ATF7IP2: variants seen among roughly 807,000 people sequenced by gnomAD.
The protein encoded by ATF7IP2 is activating transcription factor 7-interacting protein 2.
In ATF7IP2, 42 loss-of-function variants were observed where a neutral mutation model predicts 64.2. The observed-to-expected ratio is 0.65, with a 90% CI of 0.51 to 0.85. The LOEUF is 0.85. ATF7IP2 is among the 40% of genes least tolerant of loss of function. The pLI, the probability that ATF7IP2 is intolerant of heterozygous loss-of-function variation, is 0.00. For synonymous variants in ATF7IP2, 308 were observed against 272.8 expected (o/e 1.13, Z -1.27); for missense variants, 933 against 784.2 (o/e 1.19, Z -2.27).
At chr16:10,459,446 C>T (rs1211713290) in intron 9 of ATF7IP2, among the ~76,000 whole-genome samples, 63 of 143,476 alleles carry the variant, frequency 4.4e-4, no homozygotes, top group African/African-American at 1.6e-3. Flanking sequence ...CCAGCCTGGG[C>T]GACAGAGCGA....
intron 1 of ATF7IP2, among the ~76,000 whole-genome samples, chr16:10,397,114 T>A (rs1334381296): frequency 6.6e-6 from 1 of 152,242 alleles, no homozygotes; most frequent in Non-Finnish European, 1.5e-5. Flanking sequence ...TTTTGCCATT[T>A]GGTTGAAAAT....
intron 8 of ATF7IP2, among the ~76,000 whole-genome samples, chr16:10,441,776 T>C (rs1485356761): frequency 2.0e-5 from 3 of 152,264 alleles, no homozygotes; most frequent in African/African-American, 7.2e-5. Context: ...ATTTTGGCTT[T>C]TGTTGCTGTT....
chr16:10,478,610 T>C (rs958970228), intron 12 of ATF7IP2, among the ~76,000 whole-genome samples: 2 of 152,132 alleles, frequency 1.3e-5, no homozygotes, highest in African/African-American at 4.8e-5. Flanking sequence ...ACTTCATGTC[T>C]AAAACACCAA....
At chr16:10,433,696 AC>A in intron 6 of ATF7IP2, 47 bp downstream of exon 6, 2 of 1,594,828 alleles carry the variant, frequency 1.3e-6, no homozygotes, top group Non-Finnish European at 1.7e-6. Context: ...GATTAGTAAA[AC>A]ATGGTAAAAG....
intron 8 of ATF7IP2, chr16:10,448,729 T>C (rs1242042298): frequency 6.6e-6 from 1 of 152,172 alleles, no homozygotes; most frequent in Non-Finnish European, 1.5e-5. Context: ...TATTTCTAAA[T>C]CTAAAAATTG....
At chr16:10,416,583 A>G (rs950894366) in intron 2 of ATF7IP2, among the ~76,000 whole-genome samples, 1 of 152,190 alleles carries the variant, frequency 6.6e-6, no homozygotes, top group African/African-American at 2.4e-5. Flanking sequence ...ACCTGAGGCC[A>G]GGAGTTCAAG....
chr16:10,392,056 C>T (rs201057918), intron 1 of ATF7IP2, among the ~76,000 whole-genome samples: 14 of 126,104 alleles, frequency 1.1e-4, no homozygotes, highest in African/African-American at 3.3e-4. Context: ...GTTGTATTAT[C>T]TTTTTTTTTT....
At chr16:10,456,540 T>C (rs2049175599) in intron 8 of ATF7IP2, among the ~76,000 whole-genome samples, 1 of 152,124 alleles carries the variant, frequency 6.6e-6, no homozygotes, top group Admixed American at 6.6e-5. Context: ...TTTTCAGAGC[T>C]CTTACAGTGC....
chr16:10,397,426 TATAGTC>T (rs1327107015), intron 1 of ATF7IP2, among the ~76,000 whole-genome samples: 4 of 152,364 alleles, frequency 2.6e-5, no homozygotes, highest in African/African-American at 9.6e-5. Context: ...TTCTGGGTAG[TATAGTC>T]ATTTTAGCAG....
chr16:10,439,186 C>A (rs1419296930), intron 7 of ATF7IP2, among the ~76,000 whole-genome samples: 1 of 151,998 alleles, frequency 6.6e-6, no homozygotes, highest in Non-Finnish European at 1.5e-5. Flanking sequence ...ATGTTTTTAA[C>A]CACATTAATT....
rs565297679 is a variant in ATF7IP2 at position 10,438,807 on chromosome 16, C to T, written c.1095+572C>T. ...CGATGGCTCATGCCTGTAATCCCAGCACTTTGGGAGGCCAAGGTGGGCGGA... is the reference window on the plus strand; with the variant it reads ...CGATGGCTCATGCCTGTAATCCCAGTACTTTGGGAGGCCAAGGTGGGCGGA... On this transcript the variant is annotated intron_variant, in intron 7 of 13. Transcript: ENST00000562102. 2.1e-3 allele frequency among the ~76,000 whole-genome samples: 324 copies of T among 152,258 alleles called. 2 individuals carry two copies. The highest frequency in any genetic ancestry group is 7.6e-3 in the African/African-American group (316 of 41,566).
intron 9 of ATF7IP2, among the ~76,000 whole-genome samples, chr16:10,459,948 G>A (rs961221267): frequency 2.0e-5 from 3 of 151,896 alleles, no homozygotes; most frequent in African/African-American, 7.3e-5. Context: ...AAAAATCGGG[G>A]GAAAAGGAAA....
chr16:10,464,973 G>A (rs2142040074), intron 9 of ATF7IP2, among the ~76,000 whole-genome samples: 1 of 152,296 alleles, frequency 6.6e-6, no homozygotes, highest in South Asian at 2.1e-4. Context: ...TGGGATTACA[G>A]GCATGTGTTG....
chr16:10,414,390 A>G (rs1283273111), intron 1 of ATF7IP2, among the ~76,000 whole-genome samples, 184 bp from the exon 2 acceptor site: 1 of 151,822 alleles, frequency 6.6e-6, no homozygotes, highest in African/African-American at 2.4e-5. Flanking sequence ...AGCATTTTGC[A>G]TTTCTATAAA....
intron 8 of ATF7IP2, among the ~76,000 whole-genome samples, chr16:10,444,010 G>A (rs570451589): frequency 3.3e-5 from 5 of 152,106 alleles, no homozygotes; most frequent in Admixed American, 6.5e-5. Flanking sequence ...CATGCTAGAC[G>A]GTCACAATGG....
At chr16:10,405,705 C>T (rs927743167) in intron 1 of ATF7IP2, among the ~76,000 whole-genome samples, 3 of 152,196 alleles carry the variant, frequency 2.0e-5, no homozygotes, top group African/African-American at 4.8e-5. Context: ...CCACCTAGAT[C>T]CCTCCTGCCC....
intron 10 of ATF7IP2, among the ~76,000 whole-genome samples, chr16:10,473,075 A>G (rs2049865269): frequency 6.6e-6 from 1 of 152,190 alleles, no homozygotes; most frequent in Non-Finnish European, 1.5e-5. Flanking sequence ...ATTGTGAATC[A>G]GAGAATTACA....
intron 1 of ATF7IP2, among the ~76,000 whole-genome samples, chr16:10,400,648 C>G (rs919235738): frequency 6.6e-6 from 1 of 151,944 alleles, no homozygotes; most frequent in Non-Finnish European, 1.5e-5. Flanking sequence ...GCCTTATGGC[C>G]TTTATTATTT....
At chr16:10,471,951 T>A (rs949883185) in intron 9 of ATF7IP2, 159 bp from the exon 10 acceptor site, 3 of 436,236 alleles carry the variant, frequency 6.9e-6, no homozygotes, top group African/African-American at 6.0e-5. Flanking sequence ...AAATGGAGTT[T>A]TTTTGGGTAT....
Sources: allele counts gnomAD v4.1 joint callset (sites outside exome capture counted in the v4.1 genomes callset), GRCh38; gene constraint gnomAD v4.1.1; transcripts MANE v1.5; gene names NCBI Gene and HGNC (gene_info 2026-07-23, HGNC 2026-07-21).